The following RGL1 variants were observed in gnomAD, a reference collection of about 807,000 sequenced individuals.
RGL1 encodes ral guanine nucleotide dissociation stimulator like 1.
A neutral mutation model predicts 95.2 loss-of-function variants in RGL1; 24 were observed. The ratio of observed to expected loss-of-function variants is 0.25; its 90% confidence interval spans 0.18 to 0.35. The LOEUF (loss-of-function observed/expected upper bound fraction) is 0.35. Among genes scored for constraint, RGL1 ranks in the 10% least tolerant of loss-of-function variants. The probability of loss-of-function intolerance (pLI) is 1.00; values close to 1 mark genes in which losing one functional copy is unlikely to be tolerated. For missense variants in RGL1, 715 were observed against 936.3 expected, an observed-to-expected ratio of 0.76 and a Z score of 3.08; for synonymous variants, 329 against 344.9, an observed-to-expected ratio of 0.95 and a Z score of 0.51.
At chr1:183,744,581 A>T (rs2102264633) in intron 2 of RGL1, among the ~76,000 whole-genome samples, 1 of 152,296 alleles carries the variant, frequency 6.6e-6, no homozygotes, top group South Asian at 2.1e-4. Flanking sequence ...ATTTTTATGC[A>T]TATTTCAGTA....
intron 9 of RGL1, among the ~76,000 whole-genome samples, chr1:183,895,198 T>C (rs1307277164): frequency 6.6e-6 from 1 of 152,202 alleles, no homozygotes; most frequent in Non-Finnish European, 1.5e-5. Flanking sequence ...GAGCTATAAT[T>C]GCTGGTAGCT....
intron 1 of RGL1, among the ~76,000 whole-genome samples, chr1:183,695,574 C>A (rs1654204407): frequency 6.6e-6 from 1 of 152,136 alleles, no homozygotes; most frequent in Non-Finnish European, 1.5e-5. Flanking sequence ...GTGGTTGAAG[C>A]TCTCCACATA....
At chr1:183,920,635 C>T (rs759789672) in intron 16 of RGL1, among the ~76,000 whole-genome samples, 10 of 152,166 alleles carry the variant, frequency 6.6e-5, no homozygotes, top group Non-Finnish European at 1.5e-4. Flanking sequence ...ACATGCATCC[C>T]CTGAAGGGAG....
intron 1 of RGL1, among the ~76,000 whole-genome samples, chr1:183,684,271 C>T (rs929420592): frequency 2.0e-5 from 3 of 152,160 alleles, no homozygotes; most frequent in Admixed American, 6.5e-5. Context: ...AACTTTTAGC[C>T]TTTTTGTGCT....
chr1:183,824,097 T>G (rs1278302234), intron 2 of RGL1, among the ~76,000 whole-genome samples: 1 of 152,162 alleles, frequency 6.6e-6, no homozygotes, highest in African/African-American at 2.4e-5. Flanking sequence ...TGATTTTATT[T>G]TTCTCGGTGA....
At chr1:183,829,011 T>C (rs558407867) in intron 2 of RGL1, among the ~76,000 whole-genome samples, 2 of 152,362 alleles carry the variant, frequency 1.3e-5, no homozygotes, top group Admixed American at 6.5e-5. Flanking sequence ...TCTCTAATAT[T>C]GTTACCATGG....
chr1:183,864,695 A>G (rs1665718470), intron 3 of RGL1, among the ~76,000 whole-genome samples: 1 of 152,186 alleles, frequency 6.6e-6, no homozygotes, highest in Admixed American at 6.5e-5. Flanking sequence ...ATGAAGAGGA[A>G]AAGAGAGGGT....
At chr1:183,675,973 A>G (rs865964202) in intron 1 of RGL1, among the ~76,000 whole-genome samples, 1 of 152,094 alleles carries the variant, frequency 6.6e-6, no homozygotes, top group African/African-American at 2.4e-5. Context: ...TAATGAGCAC[A>G]GGTCTCTACA....
chr1:183,886,707 G>A (rs1458798354), intron 7 of RGL1, among the ~76,000 whole-genome samples: 3 of 151,976 alleles, frequency 2.0e-5, no homozygotes, highest in Non-Finnish European at 2.9e-5. Context: ...TTACAATTGT[G>A]TAGGGAAATG....
intron 3 of RGL1, among the ~76,000 whole-genome samples, chr1:183,858,466 AGAGGTGGGCACT>A (rs2102570711): frequency 6.6e-6 from 1 of 152,334 alleles, no homozygotes; most frequent in East Asian, 1.9e-4. Flanking sequence ...ATTATGAATG[AGAGGTGGGCACT>A]GATCCTAGCT....
chr1:183,740,654 TG>T (rs1321050628), intron 1 of RGL1, among the ~76,000 whole-genome samples: 1 of 152,092 alleles, frequency 6.6e-6, no homozygotes, highest in Non-Finnish European at 1.5e-5. Context: ...ATAAGCTGCT[TG>T]GGGGGTGTGT....
intron 1 of RGL1, among the ~76,000 whole-genome samples, chr1:183,726,670 C>T (rs1446049952): frequency 6.6e-6 from 1 of 152,076 alleles, no homozygotes; most frequent in Non-Finnish European, 1.5e-5. Flanking sequence ...ATTACCTGGT[C>T]AATTCTATTA....
At chr1:183,636,417 C>T in exon 1 of RGL1, 1 of 376,836 alleles carries the variant, frequency 2.7e-6, no homozygotes, top group Non-Finnish European at 4.7e-6. Context: ...AGCGGGAAGT[C>T]CCCAAGGACG....
At chr1:183,856,382 G>T (rs1245641050) in intron 3 of RGL1, among the ~76,000 whole-genome samples, 1 of 151,626 alleles carries the variant, frequency 6.6e-6, no homozygotes, top group Non-Finnish European at 1.5e-5. Context: ...TCTGTGGGGG[G>T]TTACTAAAAT....
chr1:183,914,909 T>G (rs996166729), intron 15 of RGL1, among the ~76,000 whole-genome samples: 1 of 152,194 alleles, frequency 6.6e-6, no homozygotes, highest in African/African-American at 2.4e-5. Flanking sequence ...CTAATATATC[T>G]GCAAAGAAAC....
chr1:183,724,366 G>T lies in RGL1; in HGVS notation c.-32-17760G>T, dbSNP rs1382591164. On this transcript the variant is annotated intron_variant, in intron 1 of 18. Coordinates refer to the RGL1 transcript ENST00000304685. The surrounding 1 kb of genome is among the most constrained non-coding windows in gnomAD (Gnocchi z 4.1). ...GTAGAGCACTAAGTGGGCTCTTGGG[G>T]TCCCCAGTTCCAAGCCCTGGCTCTT... Among the ~76,000 whole-genome samples the T allele has an allele frequency of 6.6e-6, 1 of 152,148 alleles. No homozygotes were observed. Among genetic ancestry groups the T allele is most frequent in the Non-Finnish European group, 1.5e-5 (1 of 68,018 alleles).
At chr1:183,889,780 C>T (rs539539318) in intron 8 of RGL1, among the ~76,000 whole-genome samples, 1 of 152,186 alleles carries the variant, frequency 6.6e-6, no homozygotes, top group African/African-American at 2.4e-5. Context: ...CTGTAGAAGC[C>T]ACAGCTACTT....
At chr1:183,658,274 C>T (rs1451606817) in intron 1 of RGL1, among the ~76,000 whole-genome samples, 17 of 152,240 alleles carry the variant, frequency 1.1e-4, no homozygotes, top group Non-Finnish European at 1.5e-4. Flanking sequence ...ACTCGGGAAG[C>T]GCAAGGGGTC....
At chr1:183,764,246 G>T (rs1658851893) in intron 2 of RGL1, among the ~76,000 whole-genome samples, 1 of 152,206 alleles carries the variant, frequency 6.6e-6, no homozygotes, top group Admixed American at 6.5e-5. Context: ...GGAGATGAGA[G>T]ACCAGTCTCA....
Sources: allele counts gnomAD v4.1 joint callset (sites outside exome capture counted in the v4.1 genomes callset), GRCh38; gene constraint gnomAD v4.1.1; non-coding constraint Gnocchi (gnomAD v3.1); transcripts MANE v1.5; gene names NCBI Gene and HGNC (gene_info 2026-07-23, HGNC 2026-07-21).